Variants in SCRG1 observed in about 807,000 individuals in gnomAD.
SCRG1 encodes the protein scrapie-responsive protein 1.
A neutral mutation model predicts 7.7 loss-of-function variants in SCRG1; 3 were observed. That is an observed-to-expected ratio of 0.39 (90% confidence interval 0.18 to 1.01). The LOEUF (loss-of-function observed/expected upper bound fraction) is 1.01. SCRG1 is among the 50% of genes least tolerant of loss of function. The pLI, the probability that SCRG1 is intolerant of heterozygous loss-of-function variation, is 0.36. For synonymous variants in SCRG1, 46 were observed against 41.2 expected (o/e 1.12, Z -0.44); for missense variants, 110 against 117.2 (o/e 0.94, Z 0.28).
chr4:173,462,205 T>C, the SCRG1 span, among the ~76,000 whole-genome samples: 1 of 152,036 alleles, frequency 6.6e-6, no homozygotes, highest in Non-Finnish European at 1.5e-5. Flanking sequence ...TACAACAAGG[T>C]TATAGAACAC....
At chr4:173,454,054 C>T in the SCRG1 span, among the ~76,000 whole-genome samples, 28 of 141,948 alleles carry the variant, frequency 2.0e-4, no homozygotes, top group African/African-American at 6.0e-4. Flanking sequence ...CTCTGGCCTG[C>T]GTGACAGAAC....
chr4:173,407,669 G>T (rs1171656130), upstream of SCRG1, among the ~76,000 whole-genome samples: 2 of 152,134 alleles, frequency 1.3e-5, no homozygotes. Flanking sequence ...TAGCCTTTAT[G>T]CAGCTTCTCA....
the SCRG1 span, among the ~76,000 whole-genome samples, chr4:173,498,837 A>G: frequency 6.6e-6 from 1 of 152,258 alleles, no homozygotes; most frequent in African/African-American, 2.4e-5. Flanking sequence ...TCAAGATAGC[A>G]GTGAGTTGAT....
At chr4:173,511,776 A>G in the SCRG1 span, among the ~76,000 whole-genome samples, 1 of 152,120 alleles carries the variant, frequency 6.6e-6, no homozygotes, top group East Asian at 1.9e-4. The surrounding 1 kb of genome is among the most constrained non-coding windows in gnomAD (Gnocchi z 5.2). Context: ...ATATATTATA[A>G]TGTATATATA....
At chr4:173,430,306 A>G in the SCRG1 span, among the ~76,000 whole-genome samples, 3 of 152,196 alleles carry the variant, frequency 2.0e-5, no homozygotes, top group Admixed American at 2.0e-4. Flanking sequence ...TTGAGTTTTT[A>G]CTATCTGGAT....
chr4:173,484,352 T>TATAATAC, the SCRG1 span, among the ~76,000 whole-genome samples: 1 of 64,424 alleles, frequency 1.6e-5, no homozygotes, highest in Non-Finnish European at 2.8e-5. Flanking sequence ...TTATATAATA[T>TATAATAC]ATAATATATA....
At chr4:173,443,063 A>G in the SCRG1 span, among the ~76,000 whole-genome samples, 1 of 152,214 alleles carries the variant, frequency 6.6e-6, no homozygotes, top group Non-Finnish European at 1.5e-5. Flanking sequence ...AGTTTTGAGG[A>G]TAACAAGTAG....
the SCRG1 span, among the ~76,000 whole-genome samples, chr4:173,457,915 G>T: frequency 6.6e-6 from 1 of 152,076 alleles, no homozygotes; most frequent in South Asian, 2.1e-4. Flanking sequence ...CTGTTTTCTT[G>T]TTCCCTGAGA....
At chr4:173,452,702 G>A in the SCRG1 span, among the ~76,000 whole-genome samples, 45 of 152,108 alleles carry the variant, frequency 3.0e-4, no homozygotes, top group African/African-American at 9.4e-4. Flanking sequence ...CTCAAAATCC[G>A]GGGCCATGCA....
chr4:173,447,685 T>C, the SCRG1 span, among the ~76,000 whole-genome samples: 1 of 151,972 alleles, frequency 6.6e-6, no homozygotes, highest in East Asian at 1.9e-4. Context: ...CACTTTTAGT[T>C]TCCAATTTTA....
At chr4:173,511,230 G>C in the SCRG1 span, among the ~76,000 whole-genome samples, 1 of 152,138 alleles carries the variant, frequency 6.6e-6, no homozygotes, top group East Asian at 1.9e-4. This position sits in a 1 kb window ranked among gnomAD's most constrained non-coding sequence, Gnocchi z 5.2. Flanking sequence ...GGCCCACCTC[G>C]ACCTCCCAAA....
the SCRG1 span, among the ~76,000 whole-genome samples, chr4:173,431,312 G>A: frequency 6.6e-6 from 1 of 152,120 alleles, no homozygotes; most frequent in African/African-American, 2.4e-5. Flanking sequence ...GGACCAGCGG[G>A]CAAAGGGAAG....
the SCRG1 span, among the ~76,000 whole-genome samples, chr4:173,504,397 G>T: frequency 6.6e-6 from 1 of 152,094 alleles, no homozygotes; most frequent in Non-Finnish European, 1.5e-5. The surrounding 1 kb of genome is among the most constrained non-coding windows in gnomAD (Gnocchi z 4.7). Flanking sequence ...CGTCACCACC[G>T]CTGCCTCCAG....
chr4:173,437,777 C>T, the SCRG1 span, among the ~76,000 whole-genome samples: 13 of 152,278 alleles, frequency 8.5e-5, no homozygotes, highest in South Asian at 6.2e-4. Context: ...ACATAGTCCC[C>T]GCCTGGCTAC....
At chr4:173,439,959 G>A in the SCRG1 span, among the ~76,000 whole-genome samples, 1 of 152,196 alleles carries the variant, frequency 6.6e-6, no homozygotes, top group African/African-American at 2.4e-5. Context: ...AATCCAACTA[G>A]TCAACTTGTG....
In SCRG1 at chr4:173,396,741, T is replaced by TGTGTGA. The variant is rs1553964625; in HGVS notation, c.-15+2326_-15+2327insTCACAC. The stretch of plus-strand genomic sequence containing the variant: ...GTGTGTGTGTGTGTGTGTGTGTGTG[T>TGTGTGA]GTGTGTGTATGCATTATAAATTACA... On this transcript the variant is annotated intron_variant, in intron 1 of 2. Coordinates refer to ENST00000296506, the MANE Select transcript of SCRG1 (RefSeq NM_007281.4). 8.7e-3 allele frequency among the ~76,000 whole-genome samples: 1,268 copies of TGTGTGA among 145,638 alleles called. 25 individuals are homozygous for TGTGTGA. Among genetic ancestry groups the TGTGTGA allele is most frequent in the African/African-American group, 0.027 (1,070 of 39,190 alleles).
At chr4:173,482,721 G>A in the SCRG1 span, among the ~76,000 whole-genome samples, 1 of 151,478 alleles carries the variant, frequency 6.6e-6, no homozygotes, top group Admixed American at 6.6e-5. Context: ...GGGAGGCTGA[G>A]GCCAGAGGAC....
the SCRG1 span, chr4:173,468,365 C>T: frequency 1.3e-5 from 2 of 152,226 alleles, no homozygotes; most frequent in African/African-American, 4.8e-5. Flanking sequence ...GTGAACTATA[C>T]CACCCTAGGT....
the SCRG1 span, among the ~76,000 whole-genome samples, chr4:173,411,892 A>G: frequency 6.6e-6 from 1 of 152,298 alleles, no homozygotes; most frequent in African/African-American, 2.4e-5. Flanking sequence ...GGTCCCAGGC[A>G]TGTGCCTCAG....
Sources: gnomAD v4.1 joint callset for allele counts (sites outside exome capture counted in the v4.1 genomes callset) on GRCh38, gnomAD v4.1.1 for gene constraint, Gnocchi (gnomAD v3.1) non-coding constraint, MANE v1.5 for transcripts, NCBI Gene and HGNC (gene_info 2026-07-23, HGNC 2026-07-21) for gene names.